XRN2: variants seen among roughly 807,000 people sequenced by gnomAD.
The protein encoded by XRN2 is 5'-3' exoribonuclease 2.
In XRN2, 44 loss-of-function variants were observed where a neutral mutation model predicts 138.5. The observed-to-expected ratio is 0.32, with a 90% CI of 0.25 to 0.41. The LOEUF (loss-of-function observed/expected upper bound fraction) is 0.41. XRN2 is among the 10% of genes least tolerant of loss of function. The probability of loss-of-function intolerance (pLI) is 1.00; values close to 1 mark genes in which losing one functional copy is unlikely to be tolerated. For synonymous variants in XRN2, 354 were observed against 369.4 expected, an observed-to-expected ratio of 0.96 and a Z score of 0.48; for missense variants, 937 against 1,169.3, an observed-to-expected ratio of 0.80 and a Z score of 2.90.
At chr20:21,364,743 C>T (rs1361017893) in intron 24 of XRN2, among the ~76,000 whole-genome samples, 2 of 150,450 alleles carry the variant, frequency 1.3e-5, no homozygotes, top group Non-Finnish European at 2.9e-5. Flanking sequence ...GAGGTTGAGA[C>T]TGCAATGAGC....
intron 26 of XRN2, 34 bp downstream of exon 26, chr20:21,365,738 G>C: frequency 6.5e-7 from 1 of 1,548,812 alleles, no homozygotes; most frequent in South Asian, 1.2e-5. Flanking sequence ...TGTATATTTT[G>C]CTTTTTCTGA....
chr20:21,347,244 T>C (rs532351099), intron 17 of XRN2, among the ~76,000 whole-genome samples: 1 of 152,340 alleles, frequency 6.6e-6, no homozygotes, highest in South Asian at 2.1e-4. Flanking sequence ...ATAAGAATTC[T>C]AAAGGAATTT....
Position 21,307,904 on chromosome 20 carries a change from C to T in XRN2, c.75+4431C>T, listed in dbSNP as rs1450079163. ...CAGTATACTTATTTTGAAATTCTTC[C>T]GTTGTTGTATGTGTCAGTAGTTTAT... On this transcript the variant is annotated intron_variant, in intron 1 of 29. Transcript: ENST00000377191. Among the ~76,000 whole-genome samples, 5 of 76,706 alleles carry T rather than the reference C, an allele frequency of 6.5e-5. 1 individual carries two copies. The highest frequency in any genetic ancestry group is 1.8e-4 in the African/African-American group (5 of 28,158). 50.3% of individuals were successfully genotyped at this position (76,706 alleles called of 152,430 possible).
At chr20:21,354,753 G>A in intron 20 of XRN2, 36 bp from the exon 21 acceptor site, 2 of 1,599,500 alleles carry the variant, frequency 1.3e-6, no homozygotes, top group Non-Finnish European at 1.7e-6. Flanking sequence ...GGTGATCCTG[G>A]TAGCAGGGGT....
chr20:21,379,949 C>G (rs1194984418), intron 27 of XRN2, among the ~76,000 whole-genome samples: 2 of 152,050 alleles, frequency 1.3e-5, no homozygotes, highest in Non-Finnish European at 2.9e-5. Flanking sequence ...CTGAAGGTTT[C>G]TCTTAATGTA....
chr20:21,333,739 A>G lies in XRN2; in HGVS notation c.969A>G (p.Pro323=), dbSNP rs1201108378. 2 of 1,614,148 alleles carry G rather than the reference A, an allele frequency of 1.2e-6. No homozygotes were observed. The highest frequency in any genetic ancestry group is 1.7e-6 in the Non-Finnish European group (2 of 1,180,012). Residue 323 remains proline (P), a synonymous_variant, in exon 11 of 30, where the codon CCA becomes CCG. Coordinates refer to ENST00000377191, the MANE Select transcript of XRN2 (RefSeq NM_012255.5). ...GAGAACTCACAATGGCCAGCCTACC[A>G]TTCACATTTGATGTTGAGAGGAGCA... ...LERELTMASL[P]FTFDVERSID...
At chr20:21,334,220 C>T (rs2122219335) in intron 13 of XRN2, 35 bp downstream of exon 13, 1 of 1,547,550 alleles carries the variant, frequency 6.5e-7, no homozygotes, top group African/African-American at 1.4e-5. Context: ...TAAAATTGCT[C>T]CTGTCTCTAA....
chr20:21,369,645 AC>A (rs2038740545), intron 27 of XRN2, among the ~76,000 whole-genome samples: 1 of 152,032 alleles, frequency 6.6e-6, no homozygotes, highest in Admixed American at 6.6e-5. Flanking sequence ...CTTTTTATAT[AC>A]CTGTTTGCCA....
chr20:21,372,007 G>A (rs2038769003), intron 27 of XRN2, among the ~76,000 whole-genome samples: 1 of 152,170 alleles, frequency 6.6e-6, no homozygotes, highest in Non-Finnish European at 1.5e-5. Flanking sequence ...TAGATTTAAT[G>A]TGTACTTACA....
chr20:21,332,524 A>G (rs1199491819), intron 9 of XRN2, 84 bp downstream of exon 9: 18 of 1,344,072 alleles, frequency 1.3e-5, no homozygotes, highest in African/African-American at 3.0e-5. Context: ...TATCATTTCA[A>G]CCATTTTAAA....
intron 20 of XRN2, among the ~76,000 whole-genome samples, chr20:21,351,833 G>GA (rs1258078844): frequency 6.6e-6 from 1 of 152,134 alleles, no homozygotes; most frequent in Non-Finnish European, 1.5e-5. Context: ...ACCACTTGTT[G>GA]AAAAGACCAT....
Position 21,370,616 on chromosome 20 carries a change from CTATACCT to C in XRN2, c.2584+2028_2584+2034del, listed in dbSNP as rs1177657674. 3.3e-5 allele frequency among the ~76,000 whole-genome samples: 5 copies of C among 152,302 alleles called. No homozygotes were observed. In the South Asian group the frequency reaches 6.2e-4, roughly 19 times the overall value. ...ATAGCCAGGGACTGCTTTAGGTAGA[CTATACCT>C]TTAACCCTATATTTCTGGAAGACAT... is the stretch of plus-strand genomic sequence containing the variant. On this transcript the variant is annotated intron_variant, in intron 27 of 29. Transcript: ENST00000377191.
Position 21,348,432 on chromosome 20 carries a change from T to C in XRN2, c.1863+2T>C, listed in dbSNP as rs755687089. The C allele has an allele frequency of 1.2e-6, 2 of 1,613,026 alleles. No individual in the cohort carries two copies. Among genetic ancestry groups the C allele is most frequent in the Non-Finnish European group, 1.7e-6 (2 of 1,179,500 alleles). On this transcript the variant is annotated splice_donor_variant, in intron 19 of 29. Transcript: ENST00000377191. LOFTEE classifies it high-confidence loss of function. ...TGGCGGAAGCTCATGAGTGATCCTGTGAGTCTCAGTATTTTGAGTGTGTGG... is the reference window on the plus strand; with the variant it reads ...TGGCGGAAGCTCATGAGTGATCCTGCGAGTCTCAGTATTTTGAGTGTGTGG...
At chr20:21,372,345 T>C (rs930796610) in intron 27 of XRN2, among the ~76,000 whole-genome samples, 13 of 152,216 alleles carry the variant, frequency 8.5e-5, no homozygotes, top group Admixed American at 8.5e-4. Flanking sequence ...GAGAAAATTA[T>C]GAGCTTTGAA....
chr20:21,363,483 A>T (rs953570357), intron 24 of XRN2, among the ~76,000 whole-genome samples: 1 of 152,172 alleles, frequency 6.6e-6, no homozygotes, highest in Non-Finnish European at 1.5e-5. Flanking sequence ...AACCTTTATC[A>T]CTGCCTGTCC....
At chr20:21,370,184 C>T (rs1013992804) in intron 27 of XRN2, among the ~76,000 whole-genome samples, 2 of 152,072 alleles carry the variant, frequency 1.3e-5, no homozygotes, top group Admixed American at 6.6e-5. Flanking sequence ...GGATTTATTT[C>T]TGGGTTCTCT....
chr20:21,326,659 G>A, intron 3 of XRN2, 58 bp downstream of exon 3: 1 of 1,363,634 alleles, frequency 7.3e-7, no homozygotes, highest in Non-Finnish European at 1.0e-6. Context: ...TGTTACCAGT[G>A]TCTAGAATGA....
At chr20:21,332,666 C>CA (rs1568575872) in intron 9 of XRN2, among the ~76,000 whole-genome samples, 3 of 148,542 alleles carry the variant, frequency 2.0e-5, no homozygotes, top group Non-Finnish European at 3.0e-5. Context: ...TATCTTTTTT[C>CA]TTTTTTTTTT....
intron 14 of XRN2, among the ~76,000 whole-genome samples, chr20:21,339,886 T>A (rs2038349169): frequency 6.6e-6 from 1 of 152,222 alleles, no homozygotes; most frequent in Admixed American, 6.5e-5. Flanking sequence ...GACTGCCTTT[T>A]ACTACGTTTT....
Sources: gnomAD v4.1 joint callset for allele counts (sites outside exome capture counted in the v4.1 genomes callset) on GRCh38, gnomAD v4.1.1 for gene constraint, MANE v1.5 for transcripts, NCBI Gene and HGNC (gene_info 2026-07-23, HGNC 2026-07-21) for gene names.